PIP5K1C: variants seen among roughly 807,000 people sequenced by gnomAD.
The protein encoded by PIP5K1C is phosphatidylinositol 4-phosphate 5-kinase type-1 gamma.
In PIP5K1C, 45 loss-of-function variants were observed where a neutral mutation model predicts 80.1. The observed-to-expected ratio is 0.56, with a 90% CI of 0.44 to 0.72. The LOEUF (loss-of-function observed/expected upper bound fraction) is 0.72. Ranked by LOEUF, PIP5K1C falls within the 30% of genes least tolerant of loss-of-function variation. PIP5K1C has a pLI of 0.00. For missense variants in PIP5K1C, 753 were observed against 954.6 expected (o/e 0.79, Z 2.78); for synonymous variants, 498 against 420.1 (o/e 1.19, Z -2.27).
chr19:3,648,775 G>A lies in PIP5K1C; in HGVS notation c.1128-67C>T. ...CTGGGACTCGGGGCAGGCGGGGCTG[G>A]GGACTCCAGGGCTAGGGAGTCCATC... On this transcript the variant is annotated intron_variant, in intron 8 of 17. Coordinates refer to ENST00000335312, the MANE Select transcript of PIP5K1C (RefSeq NM_012398.3). The surrounding 1 kb of genome is among the most constrained non-coding windows in gnomAD (Gnocchi z 4.3). 7.3e-7 allele frequency: 1 copy of A among 1,367,956 alleles called. No homozygotes were observed. The highest frequency in any genetic ancestry group is 1.0e-6 in the Non-Finnish European group (1 of 960,622). The allele number at this position is 1,367,956 out of a possible 1,614,324, so 84.7% of individuals were successfully genotyped here. A position where few individuals can be genotyped will look rare whatever the true frequency, so the allele number is the denominator to read the frequency against.
chr19:3,655,623 G>A (rs2034596213), intron 6 of PIP5K1C, among the ~76,000 whole-genome samples: 1 of 152,196 alleles, frequency 6.6e-6, no homozygotes, highest in Non-Finnish European at 1.5e-5. Context: ...GGCTCGCAGA[G>A]CCAAAAACAC....
At position 3,696,093 on chromosome 19, in the gene PIP5K1C, C is replaced by T. The variant is rs896072093; in HGVS notation, c.94+4204G>A. Among the ~76,000 whole-genome samples the T allele has an allele frequency of 1.2e-4, 19 of 152,310 alleles. No homozygotes were observed. Among genetic ancestry groups the T allele is most frequent in the African/African-American group, 4.6e-4 (19 of 41,564 alleles). ...GAGGCCCTGGTGGCGGTGCTGACTC[C>T]CTGCCCGGCCGCCCTGTGACCACAC... On this transcript the variant is annotated intron_variant, in intron 1 of 17. Coordinates refer to ENST00000335312, the MANE Select transcript of PIP5K1C (RefSeq NM_012398.3). The surrounding 1 kb of genome is among the most constrained non-coding windows in gnomAD (Gnocchi z 4.1).
intron 5 of PIP5K1C, among the ~76,000 whole-genome samples, chr19:3,658,528 C>T (rs1387452335): frequency 2.0e-5 from 3 of 152,264 alleles, no homozygotes; most frequent in Admixed American, 2.0e-4. Flanking sequence ...GACACAGGCG[C>T]AGCAGCGCAG....
At chr19:3,669,299 G>A (rs1353061455) in intron 1 of PIP5K1C, among the ~76,000 whole-genome samples, 1 of 152,210 alleles carries the variant, frequency 6.6e-6, no homozygotes, top group Non-Finnish European at 1.5e-5. Flanking sequence ...CCTGCTCTGG[G>A]CTGGGCAGCA....
intron 15 of PIP5K1C, among the ~76,000 whole-genome samples, 193 bp downstream of exon 15, chr19:3,641,512 T>A (rs954954227): frequency 6.6e-6 from 1 of 152,184 alleles, no homozygotes; most frequent in Non-Finnish European, 1.5e-5. Flanking sequence ...CAGTGTCCCC[T>A]GGGGGCTAGG....
At chr19:3,646,927 G>A (rs1014578816) in intron 10 of PIP5K1C, among the ~76,000 whole-genome samples, 1 of 151,774 alleles carries the variant, frequency 6.6e-6, no homozygotes, top group African/African-American at 2.4e-5. Flanking sequence ...TGGGAGGAGG[G>A]GTGCAGGCAC....
intron 5 of PIP5K1C, among the ~76,000 whole-genome samples, chr19:3,657,191 C>T (rs1178265815): frequency 6.6e-6 from 1 of 152,164 alleles, no homozygotes; most frequent in African/African-American, 2.4e-5. Context: ...TTTCTCAGCC[C>T]CTGCTGTTTG....
chr19:3,670,163 G>A (rs374178270), intron 1 of PIP5K1C, among the ~76,000 whole-genome samples: 14 of 152,184 alleles, frequency 9.2e-5, no homozygotes, highest in South Asian at 6.2e-4. Flanking sequence ...GGCCGCATTC[G>A]AGACGCTGGT....
chr19:3,644,392 A>T, intron 11 of PIP5K1C, 141 bp from the exon 12 acceptor site: 3 of 821,444 alleles, frequency 3.7e-6, no homozygotes, highest in Non-Finnish European at 5.7e-6. Context: ...AAGCACCACA[A>T]CCTCTTGGTG....
At position 3,632,895 on chromosome 19, in the gene PIP5K1C, T is replaced by C; in HGVS notation, c.*272A>G. On this transcript the variant is annotated 3_prime_UTR_variant, in exon 18 of 18. Coordinates refer to ENST00000335312, the MANE Select transcript of PIP5K1C (RefSeq NM_012398.3). ...TTTCCTAAAACGGCACACACGTGCT[T>C]CCGTCTCTGTGCCAAATAAGGACTC... is the stretch of plus-strand genomic sequence containing the variant. 1 of 506,356 alleles carries C rather than the reference T, an allele frequency of 2.0e-6. No homozygotes were observed. Among genetic ancestry groups the C allele is most frequent in the South Asian group, 3.0e-5 (1 of 33,054 alleles). 31.4% of individuals were successfully genotyped at this position (506,356 alleles called of 1,614,324 possible).
At chr19:3,657,729 CA>C (rs1418615976) in intron 5 of PIP5K1C, among the ~76,000 whole-genome samples, 4 of 150,882 alleles carry the variant, frequency 2.7e-5, no homozygotes, top group African/African-American at 7.3e-5. Context: ...AGTTCAAGAC[CA>C]GCCTGGGCAA....
chr19:3,678,103 G>A (rs2035442099), intron 1 of PIP5K1C, among the ~76,000 whole-genome samples: 1 of 135,166 alleles, frequency 7.4e-6, no homozygotes. Context: ...GAGGGAGGGA[G>A]AATGGAGGGA....
At chr19:3,665,032 G>A in intron 2 of PIP5K1C, 118 bp from the exon 3 acceptor site, 1 of 820,460 alleles carries the variant, frequency 1.2e-6, no homozygotes, top group Non-Finnish European at 2.0e-6. Context: ...GGTGCACAGG[G>A]CAGGGGGCAG....
chr19:3,666,797 G>C (rs2035027209), intron 2 of PIP5K1C, among the ~76,000 whole-genome samples: 1 of 150,334 alleles, frequency 6.7e-6, no homozygotes, highest in Non-Finnish European at 1.5e-5. Flanking sequence ...ACACACAAAC[G>C]TGCACACACG....
In PIP5K1C at chr19:3,637,077, C is replaced by G. The variant is rs989954169; in HGVS notation, c.1920+1807G>C. 4 of 1,238,490 alleles carry G rather than the reference C, an allele frequency of 3.2e-6. No individual in the cohort carries two copies. The highest frequency in any genetic ancestry group is 1.6e-5 in the African/African-American group (1 of 63,300). 76.7% of individuals were successfully genotyped at this position (1,238,490 alleles called of 1,614,324 possible). A position where few individuals can be genotyped will look rare whatever the true frequency, so the allele number is the denominator to read the frequency against. ...CCATCTCCTCCCCGTCTCCATGGCC[C>G]TGCGGTTCAGAGCCCGGCCCTGCAG... On this transcript the variant is annotated intron_variant, in intron 16 of 17. Transcript: ENST00000335312. The surrounding 1 kb of genome is among the most constrained non-coding windows in gnomAD (Gnocchi z 7.0).
At chr19:3,643,176 C>T in intron 13 of PIP5K1C, 67 bp downstream of exon 13, 2 of 1,603,980 alleles carry the variant, frequency 1.2e-6, no homozygotes, top group East Asian at 2.2e-5. Context: ...CGCCCACATG[C>T]AGTGAATGCC....
At chr19:3,666,743 G>A (rs935088569) in intron 2 of PIP5K1C, among the ~76,000 whole-genome samples, 1 of 145,086 alleles carries the variant, frequency 6.9e-6, no homozygotes, top group Non-Finnish European at 1.5e-5. Flanking sequence ...AGGCAAACAT[G>A]CACACACACA....
Position 3,645,985 on chromosome 19 carries a change from C to T in PIP5K1C, c.1334G>A (p.Arg445Gln), listed in dbSNP as rs745918858. The T allele has an allele frequency of 6.2e-6, 10 of 1,613,112 alleles. No individual in the cohort carries two copies. Among genetic ancestry groups the T allele is most frequent in the South Asian group, 5.5e-5 (5 of 91,074 alleles). ...CTCAGGTGGCTTACAGGAGTTCTTC[C>T]GAAAGACCGTGTTGCTCATGAACTT... ...FFKFMSNTVFRKNSSLKSSPS... is the reference protein window; with the variant it reads ...FFKFMSNTVFQKNSSLKSSPS... Residue 445 changes from arginine to glutamine, a missense_variant, in exon 11 of 18, where the codon CGG becomes CAG. Arg to Gln is a conservative substitution (Grantham distance 43). Coordinates refer to ENST00000335312, the MANE Select transcript of PIP5K1C (RefSeq NM_012398.3).
intron 1 of PIP5K1C, among the ~76,000 whole-genome samples, chr19:3,684,751 T>C (rs532284032): frequency 6.6e-6 from 1 of 152,244 alleles, no homozygotes; most frequent in African/African-American, 2.4e-5. Context: ...CTGCTGAAGG[T>C]CACCCGGCAC....
Sources: gnomAD v4.1 joint callset for allele counts (sites outside exome capture counted in the v4.1 genomes callset) on GRCh38, gnomAD v4.1.1 for gene constraint, Gnocchi (gnomAD v3.1) non-coding constraint, MANE v1.5 for transcripts, NCBI Gene and HGNC (gene_info 2026-07-23, HGNC 2026-07-21) for gene names.